Variants in RAD54L2 observed in about 807,000 individuals in gnomAD.
The protein encoded by RAD54L2 is RAD54 like 2.
A neutral mutation model predicts 138.4 loss-of-function variants in RAD54L2; 27 were observed. The observed-to-expected ratio is 0.20, with a 90% CI of 0.14 to 0.27. The LOEUF is 0.27. RAD54L2 is among the 10% of genes least tolerant of loss of function. The pLI, the probability that RAD54L2 is intolerant of heterozygous loss-of-function variation, is 1.00. For synonymous variants in RAD54L2, 644 were observed against 723.2 expected, an observed-to-expected ratio of 0.89 and a Z score of 1.76; for missense variants, 1,396 against 1,890.2, an observed-to-expected ratio of 0.74 and a Z score of 4.85.
intron 20 of RAD54L2, 71 bp downstream of exon 20, chr3:51,656,241 C>A: frequency 7.5e-7 from 1 of 1,339,980 alleles, no homozygotes; most frequent in South Asian, 1.6e-5. Flanking sequence ...TAGGAAGTAT[C>A]TATTAAACAC....
At chr3:51,657,516 A>G (rs976755335) in intron 20 of RAD54L2, 64 bp from the exon 21 acceptor site, 1 of 1,140,320 alleles carries the variant, frequency 8.8e-7, no homozygotes, top group Non-Finnish European at 1.3e-6. Context: ...GGGACTTTGC[A>G]ATTTTCCCCC....
At chr3:51,594,565 A>G (rs1052676559) in intron 3 of RAD54L2, among the ~76,000 whole-genome samples, 2 of 152,178 alleles carry the variant, frequency 1.3e-5, no homozygotes, top group Non-Finnish European at 2.9e-5. Context: ...ATAGATTCTT[A>G]TAATCGCCTT....
In RAD54L2 at chr3:51,660,100, G is replaced by A. The variant is rs1159230510; in HGVS notation, c.3391G>A (p.Gly1131Ser). 6.2e-7 allele frequency: 1 copy of A among 1,600,672 alleles called. No homozygotes were observed. The highest frequency in any genetic ancestry group is 8.6e-7 in the Non-Finnish European group (1 of 1,169,092). The change falls in exon 22 of 23, where the codon GGT (glycine) becomes AGT (serine). Residue 1131 changes from glycine (G) to serine (S), a missense_variant. This residue lies in a region of RAD54L2 where 634 missense variants were observed against 711.2 expected (regional missense o/e 0.89). Transcript: ENST00000684192. Reference protein sequence around the residue: ...ATGKPKVPEDGRMAASGSQGP... With the variant: ...ATGKPKVPEDSRMAASGSQGP... ...TGGCAAACCAAAGGTTCCTGAAGATGGTCGGATGGCTGCCTCAGGTGTGAT... is the reference window on the plus strand; with the variant it reads ...TGGCAAACCAAAGGTTCCTGAAGATAGTCGGATGGCTGCCTCAGGTGTGAT...
chr3:51,597,201 C>T (rs542969279), intron 3 of RAD54L2, among the ~76,000 whole-genome samples: 3 of 148,908 alleles, frequency 2.0e-5, no homozygotes, highest in Admixed American at 6.7e-5. Context: ...CCCACAAAAC[C>T]TAGGGCTTTT....
At chr3:51,561,983 C>T (rs1240533683) in intron 2 of RAD54L2, among the ~76,000 whole-genome samples, 3 of 151,878 alleles carry the variant, frequency 2.0e-5, no homozygotes, top group African/African-American at 4.8e-5. Flanking sequence ...ATCCCCCCAC[C>T]TCAGCCTCCC....
chr3:51,638,339 G>C lies in RAD54L2; in HGVS notation c.1860+18G>C. ...GTTGCAAGGTGCATTGGGGCCTCAG[G>C]GAAGATTGAGATGGGGACTAAGGAT... On this transcript the variant is annotated intron_variant, in intron 12 of 22. Transcript: ENST00000684192. This position sits in a 1 kb window ranked among gnomAD's most constrained non-coding sequence, Gnocchi z 4.3. The C allele has an allele frequency of 2.5e-6, 4 of 1,612,690 alleles. No individual in the cohort carries two copies. The highest frequency in any genetic ancestry group is 3.4e-6 in the Non-Finnish European group (4 of 1,179,400).
At chr3:51,579,294 G>A (rs960752036) in intron 2 of RAD54L2, among the ~76,000 whole-genome samples, 23 of 151,842 alleles carry the variant, frequency 1.5e-4, no homozygotes. Flanking sequence ...GGGGCAGGGC[G>A]GGCCATGGGT....
intron 21 of RAD54L2, among the ~76,000 whole-genome samples, chr3:51,658,003 C>T (rs1214712827): frequency 1.4e-5 from 2 of 142,814 alleles, no homozygotes; most frequent in African/African-American, 5.2e-5. Flanking sequence ...CGGCTCACTG[C>T]AACCTCCACC....
chr3:51,614,428 C>T (rs955809932), intron 3 of RAD54L2, among the ~76,000 whole-genome samples: 7 of 151,930 alleles, frequency 4.6e-5, no homozygotes, highest in South Asian at 2.1e-4. Context: ...CCTCCCAAAG[C>T]GCTGGGATTA....
intron 1 of RAD54L2, chr3:51,541,040 CAAAAAAAAAAAAAA>C (rs3051038): frequency 2.4e-5 from 2 of 83,762 alleles, no homozygotes; most frequent in Non-Finnish European, 4.9e-5. Flanking sequence ...GACTCTGACT[CAAAAAAAAAAAAAA>C]AAAAAAAAAG....
chr3:51,545,456 C>T (rs1553672077), intron 2 of RAD54L2, among the ~76,000 whole-genome samples: 2 of 151,768 alleles, frequency 1.3e-5, no homozygotes, highest in African/African-American at 2.4e-5. Context: ...TCCCAAAGTG[C>T]TGGGATTACA....
chr3:51,652,863 G>A (rs1701479472), intron 19 of RAD54L2, among the ~76,000 whole-genome samples: 1 of 152,168 alleles, frequency 6.6e-6, no homozygotes, highest in East Asian at 1.9e-4. Flanking sequence ...CAGGACATAG[G>A]CATGGGCAAG....
At chr3:51,655,463 G>C (rs1355700751) in intron 19 of RAD54L2, among the ~76,000 whole-genome samples, 1 of 152,182 alleles carries the variant, frequency 6.6e-6, no homozygotes, top group African/African-American at 2.4e-5. Flanking sequence ...GAGACTCAAG[G>C]TTTCAGAGAG....
rs937188545 is a variant in RAD54L2 at position 51,538,933 on chromosome 3, G to T, written c.-117+18G>T. On this transcript the variant is annotated intron_variant, in intron 1 of 22. Coordinates refer to ENST00000684192, the MANE Select transcript of RAD54L2 (RefSeq NM_015106.4). The stretch of plus-strand genomic sequence containing the variant: ...CGCAGGAGGTGAGACGCCGGTGCCG[G>T]TTCCTCGCTCCCGGCCGGGGCCGCC... 3.3e-5 allele frequency among the ~76,000 whole-genome samples: 5 copies of T among 152,170 alleles called. No homozygotes were observed. Among genetic ancestry groups the T allele is most frequent in the Non-Finnish European group, 7.4e-5 (5 of 68,006 alleles).
chr3:51,562,239 A>T (rs946186388), intron 2 of RAD54L2, among the ~76,000 whole-genome samples: 2 of 142,942 alleles, frequency 1.4e-5, no homozygotes, highest in South Asian at 2.3e-4. Context: ...TTTAAATTTT[A>T]TTTTTTTTTG....
In RAD54L2 at chr3:51,666,343, T is replaced by A. The variant is rs1208245026; in HGVS notation, c.*2923T>A. On this transcript the variant is annotated 3_prime_UTR_variant, in exon 23 of 23. Transcript: ENST00000684192. ...GAAGTATCTCAGAGCCTAAGAACCA[T>A]GTTTTATAGTTTCTTTGATCATAAA... The A allele has an allele frequency of 6.6e-6, 1 of 152,068 alleles. No homozygotes were observed. The highest frequency in any genetic ancestry group is 1.5e-5 in the Non-Finnish European group (1 of 68,044). The allele number at this position is 152,068 out of a possible 1,614,324, so 9.4% of individuals were successfully genotyped here. A position where few individuals can be genotyped will look rare whatever the true frequency, so the allele number is the denominator to read the frequency against.
At chr3:51,575,294 T>C (rs2106674242) in intron 2 of RAD54L2, among the ~76,000 whole-genome samples, 1 of 152,344 alleles carries the variant, frequency 6.6e-6, no homozygotes, top group South Asian at 2.1e-4. Context: ...TGCCTCCAGC[T>C]TTGTTCTTTT....
intron 3 of RAD54L2, among the ~76,000 whole-genome samples, chr3:51,609,942 T>C (rs1700291289): frequency 6.8e-6 from 1 of 147,808 alleles, no homozygotes; most frequent in African/African-American, 2.5e-5. Flanking sequence ...TACTATTCCA[T>C]ACCTCTGTTA....
intron 3 of RAD54L2, among the ~76,000 whole-genome samples, chr3:51,599,680 G>A (rs1224992458): frequency 1.3e-5 from 2 of 149,198 alleles, no homozygotes; most frequent in African/African-American, 5.0e-5. Context: ...AGCCTCCTGA[G>A]TAGCTGAGAT....
Sources: allele counts gnomAD v4.1 joint callset (sites outside exome capture counted in the v4.1 genomes callset), GRCh38; gene constraint gnomAD v4.1.1; regional missense constraint gnomAD v4.1.1; non-coding constraint Gnocchi (gnomAD v3.1); transcripts MANE v1.5; gene names NCBI Gene and HGNC (gene_info 2026-07-23, HGNC 2026-07-21).